Variants in STK4 observed in about 807,000 individuals in gnomAD.
STK4 encodes serine/threonine kinase 4, also known as serine/threonine-protein kinase 4.
In STK4, 30 loss-of-function variants were observed where a neutral mutation model predicts 64.9. That is an observed-to-expected ratio of 0.46 (90% CI 0.35 to 0.63). The LOEUF (loss-of-function observed/expected upper bound fraction) is 0.63. STK4 is among the 20% of genes least tolerant of loss of function. The probability of loss-of-function intolerance (pLI) is 0.01; values close to 1 mark genes in which losing one functional copy is unlikely to be tolerated. For synonymous variants in STK4, 177 were observed against 199.0 expected (o/e 0.89, Z 0.93); for missense variants, 466 against 598.5 (o/e 0.78, Z 2.31).
chr20:44,982,216 C>T (rs1388714300), intron 4 of STK4, among the ~76,000 whole-genome samples: 2 of 150,402 alleles, frequency 1.3e-5, no homozygotes, highest in East Asian at 3.9e-4. Flanking sequence ...TCCTGGGCTT[C>T]AGTGATCCTC....
chr20:44,972,915 A>AC (rs1434686619), intron 2 of STK4: 16 of 151,730 alleles, frequency 1.1e-4, no homozygotes, highest in African/African-American at 2.2e-4. Flanking sequence ...TAAAAAAAAA[A>AC]AAAAACTGCC....
intron 10 of STK4, among the ~76,000 whole-genome samples, chr20:45,037,325 G>C (rs1380459547): frequency 2.6e-5 from 4 of 152,126 alleles, no homozygotes; most frequent in Non-Finnish European, 2.9e-5. Context: ...GAGGAAGGGA[G>C]CGAAGGAGAG....
At chr20:45,058,619 G>A (rs1978706719) in intron 10 of STK4, among the ~76,000 whole-genome samples, 1 of 152,112 alleles carries the variant, frequency 6.6e-6, no homozygotes, top group African/African-American at 2.4e-5. Context: ...TTGGCAGGAA[G>A]AGAGAGAAGC....
intron 10 of STK4, among the ~76,000 whole-genome samples, chr20:45,033,599 C>T (rs1389211231): frequency 6.6e-6 from 1 of 152,034 alleles, no homozygotes; most frequent in South Asian, 2.1e-4. Flanking sequence ...TGTTTTGAGA[C>T]AGAGTCTTGC....
intron 10 of STK4, among the ~76,000 whole-genome samples, chr20:45,029,392 C>CA (rs1381930040): frequency 6.6e-6 from 1 of 152,190 alleles, no homozygotes; most frequent in African/African-American, 2.4e-5. Flanking sequence ...TGATATATGA[C>CA]ATTCTACTCT....
intron 10 of STK4, among the ~76,000 whole-genome samples, chr20:45,071,965 A>G (rs569490411): frequency 1.3e-5 from 2 of 151,794 alleles, no homozygotes; most frequent in African/African-American, 2.4e-5. Flanking sequence ...GGATTTCACT[A>G]TTTGCCCAGG....
chr20:44,988,887 A>C (rs912265723), intron 5 of STK4, among the ~76,000 whole-genome samples: 5 of 152,078 alleles, frequency 3.3e-5, no homozygotes, highest in African/African-American at 1.2e-4. Flanking sequence ...ATCATACATA[A>C]TGTGCCCTTT....
At chr20:45,017,245 G>A (rs2068158611) in intron 9 of STK4, among the ~76,000 whole-genome samples, 1 of 152,152 alleles carries the variant, frequency 6.6e-6, no homozygotes, top group Admixed American at 6.5e-5. Flanking sequence ...AATACTTATG[G>A]CATGTGTACT....
At chr20:45,037,295 T>C (rs1355235989) in intron 10 of STK4, among the ~76,000 whole-genome samples, 1 of 152,042 alleles carries the variant, frequency 6.6e-6, no homozygotes, top group African/African-American at 2.4e-5. Flanking sequence ...GCATTACCAG[T>C]GTGGATGTGT....
Position 45,042,061 on chromosome 20 carries a change from G to A in STK4, c.1305+16931G>A, listed in dbSNP as rs140361065. ...AGTGTTGTTTATTATTCATCAAGAA[G>A]GTTTCAATGGCTGAAATTTAAAATG... On this transcript the variant is annotated intron_variant, in intron 10 of 10. Transcript: ENST00000372806. Among the ~76,000 whole-genome samples the A allele has an allele frequency of 4.6e-5, 7 of 152,238 alleles. No individual in the cohort carries two copies. The East Asian group carries it at 1.2e-3, about 25-fold the overall frequency.
At chr20:45,057,646 A>G (rs768309938) in intron 10 of STK4, among the ~76,000 whole-genome samples, 9 of 152,186 alleles carry the variant, frequency 5.9e-5, no homozygotes, top group Non-Finnish European at 1.2e-4. Context: ...TTCTTTGTTC[A>G]AGATGTTTGC....
intron 9 of STK4, among the ~76,000 whole-genome samples, chr20:45,023,708 T>C (rs1023261956): frequency 6.6e-6 from 1 of 152,128 alleles, no homozygotes; most frequent in Non-Finnish European, 1.5e-5. Context: ...AACTAATAGC[T>C]GCTGTATTCT....
intron 5 of STK4, among the ~76,000 whole-genome samples, chr20:44,988,550 T>TATAC (rs1372434830): frequency 1.4e-5 from 2 of 142,548 alleles, no homozygotes; most frequent in Non-Finnish European, 3.0e-5. Flanking sequence ...TATATATATA[T>TATAC]ATATATATAT....
chr20:45,039,371 T>C (rs994648900), intron 10 of STK4, among the ~76,000 whole-genome samples: 2 of 152,102 alleles, frequency 1.3e-5, no homozygotes, highest in African/African-American at 2.4e-5. Flanking sequence ...GAAGAGTAGC[T>C]AAGTGTAGGG....
rs148260219 is a variant in STK4, at chr20:45,065,835, A to G, written c.1306-9183A>G. 4.0e-3 allele frequency among the ~76,000 whole-genome samples: 600 copies of G among 151,344 alleles called. 7 individuals carry two copies. Among genetic ancestry groups the G allele is most frequent in the African/African-American group, 0.013 (552 of 41,204 alleles). On this transcript the variant is annotated intron_variant, in intron 10 of 10. Transcript: ENST00000372806. ...TTTCAGAAAACCAATTCCTGGATTC[A>G]TTGGTCTTTTGCATGTTTTTTCACA...
intron 5 of STK4, among the ~76,000 whole-genome samples, chr20:44,992,509 T>C (rs1412464275): frequency 6.6e-6 from 1 of 151,706 alleles, no homozygotes; most frequent in Non-Finnish European, 1.5e-5. Flanking sequence ...CCCAAAGTAT[T>C]GGGATTAGAG....
intron 10 of STK4, among the ~76,000 whole-genome samples, chr20:45,065,789 A>ATTAT (rs1404143615): frequency 1.4e-4 from 21 of 151,404 alleles, no homozygotes; most frequent in African/African-American, 4.1e-4. Context: ...CATCTATCTT[A>ATTAT]TTATTTATTT....
intron 4 of STK4, among the ~76,000 whole-genome samples, chr20:44,984,028 T>C (rs921837306): frequency 4.6e-5 from 7 of 151,986 alleles, no homozygotes; most frequent in East Asian, 1.9e-4. Flanking sequence ...GGGCTTCTTA[T>C]ATGCAGCATT....
intron 10 of STK4, among the ~76,000 whole-genome samples, chr20:45,067,012 A>G (rs1450202411): frequency 6.6e-6 from 1 of 152,150 alleles, no homozygotes; most frequent in South Asian, 2.1e-4. Flanking sequence ...TATTAGAGTC[A>G]CCTCTACCTA....
Sources: allele counts gnomAD v4.1 joint callset (sites outside exome capture counted in the v4.1 genomes callset), GRCh38; gene constraint gnomAD v4.1.1; transcripts MANE v1.5; gene names NCBI Gene and HGNC (gene_info 2026-07-23, HGNC 2026-07-21).